The following SH3RF3 variants were observed in gnomAD, a reference collection of about 807,000 sequenced individuals.
SH3RF3 encodes the protein SH3 domain containing ring finger 3, also known as E3 ubiquitin-protein ligase SH3RF3.
SH3RF3 carries 29 observed loss-of-function variants against 66.3 expected under a neutral mutation model. That is an observed-to-expected ratio of 0.44 (90% CI 0.33 to 0.60). SH3RF3 has a LOEUF of 0.60. Ranked by LOEUF, SH3RF3 falls within the 20% of genes least tolerant of loss-of-function variation. SH3RF3 has a pLI of 0.04. For missense variants in SH3RF3, 1,194 were observed against 1,190.9 expected, an observed-to-expected ratio of 1.00 and a Z score of -0.04; for synonymous variants, 583 against 532.0, an observed-to-expected ratio of 1.10 and a Z score of -1.32.
chr2:109,274,034 A>C (rs1026298233), intron 1 of SH3RF3, among the ~76,000 whole-genome samples: 1 of 152,184 alleles, frequency 6.6e-6, no homozygotes, highest in Non-Finnish European at 1.5e-5. Context: ...TGCCAGTAAT[A>C]TTACCTCCTA....
intron 1 of SH3RF3, among the ~76,000 whole-genome samples, chr2:109,131,379 G>C (rs1397926919): frequency 6.6e-6 from 1 of 152,134 alleles, no homozygotes; most frequent in Non-Finnish European, 1.5e-5. Flanking sequence ...CTAAATGCTT[G>C]CGTTAGAAAT....
chr2:109,370,394 C>T (rs1377566421), intron 2 of SH3RF3, among the ~76,000 whole-genome samples: 1 of 152,050 alleles, frequency 6.6e-6, no homozygotes, highest in Non-Finnish European at 1.5e-5. Context: ...TGCCTGCCAC[C>T]ATGCCCGGCT....
At chr2:109,499,422 C>T (rs145575568) in intron 9 of SH3RF3, among the ~76,000 whole-genome samples, 166 of 152,336 alleles carry the variant, frequency 1.1e-3, no homozygotes, top group African/African-American at 3.4e-3. Context: ...TTTAGATGTG[C>T]GGTCCAACAC....
chr2:109,396,088 A>T (rs1268851935), intron 3 of SH3RF3, among the ~76,000 whole-genome samples: 1 of 152,090 alleles, frequency 6.6e-6, no homozygotes, highest in East Asian at 1.9e-4. Flanking sequence ...AGACGAATGG[A>T]GGACTGCGCT....
intron 1 of SH3RF3, among the ~76,000 whole-genome samples, chr2:109,304,055 C>T (rs564349164): frequency 9.0e-4 from 137 of 151,570 alleles, no homozygotes; most frequent in Middle Eastern, 3.4e-3. Flanking sequence ...GAGCTGAGAT[C>T]GCGCCATTGC....
intron 1 of SH3RF3, among the ~76,000 whole-genome samples, chr2:109,290,153 C>T (rs999669122): frequency 2.0e-5 from 3 of 152,198 alleles, no homozygotes; most frequent in African/African-American, 7.2e-5. Context: ...GTTGCATGGT[C>T]CTGGATGAGC....
At chr2:109,320,915 A>G (rs147750215) in intron 1 of SH3RF3, among the ~76,000 whole-genome samples, 22 of 152,354 alleles carry the variant, frequency 1.4e-4, no homozygotes, top group African/African-American at 5.3e-4. Context: ...CTGAACCACA[A>G]ACACTTCATC....
At chr2:109,490,253 G>C (rs1308857390) in intron 8 of SH3RF3, among the ~76,000 whole-genome samples, 1 of 152,192 alleles carries the variant, frequency 6.6e-6, no homozygotes, top group African/African-American at 2.4e-5. Context: ...GCAAAGAGCA[G>C]GCATGCTTAC....
intron 4 of SH3RF3, among the ~76,000 whole-genome samples, chr2:109,406,243 C>T (rs1676449675): frequency 6.6e-6 from 1 of 151,990 alleles, no homozygotes; most frequent in Non-Finnish European, 1.5e-5. Flanking sequence ...GGGAAAGAGG[C>T]CATTCAGGCC....
rs1192731556 is a variant in SH3RF3 at position 109,490,761 on chromosome 2, A to T, written c.2305A>T (p.Ile769Phe). 2.6e-6 allele frequency: 4 copies of T among 1,536,604 alleles called. No homozygotes were observed. Among genetic ancestry groups the T allele is most frequent in the Non-Finnish European group, 3.5e-6 (4 of 1,146,498 alleles). ...GGGCCCCGAAGTGTCCTCACTGTCC[A>T]TCCACGGCAGGGCAGGGTCCTGCCC... is the stretch of plus-strand genomic sequence containing the variant. The part of the protein sequence containing the change: ...AVGPEVSSLS[I>F]HGRAGSCPIE... Residue 769 changes from isoleucine (I) to phenylalanine (F), a missense_variant, in exon 9 of 10, where the codon ATC (isoleucine) becomes TTC (phenylalanine). By Grantham distance (21) the Ile-to-Phe change is conservative (BLOSUM62 0). Coordinates refer to ENST00000309415, the MANE Select transcript of SH3RF3 (RefSeq NM_001099289.3).
At chr2:109,194,033 G>T (rs35618765) in intron 1 of SH3RF3, among the ~76,000 whole-genome samples, 32 of 152,102 alleles carry the variant, frequency 2.1e-4, no homozygotes, top group Non-Finnish European at 3.2e-4. Context: ...AGAACAGTCT[G>T]TTCTGCCTGT....
chr2:109,217,431 TG>T (rs1241233479), intron 1 of SH3RF3, among the ~76,000 whole-genome samples: 2 of 152,244 alleles, frequency 1.3e-5, no homozygotes, highest in Non-Finnish European at 1.5e-5. Flanking sequence ...GCTCACCAGA[TG>T]GTTTGTCTCA....
intron 3 of SH3RF3, among the ~76,000 whole-genome samples, chr2:109,393,718 G>C (rs1676064017): frequency 6.6e-6 from 1 of 151,926 alleles, no homozygotes; most frequent in Admixed American, 6.6e-5. Flanking sequence ...TCAGTGCTGA[G>C]GTTGCTCTTC....
intron 5 of SH3RF3, among the ~76,000 whole-genome samples, chr2:109,422,924 G>A (rs1676921212): frequency 1.3e-5 from 2 of 152,130 alleles, no homozygotes; most frequent in Non-Finnish European, 2.9e-5. Flanking sequence ...AGGAGGTGGA[G>A]GAGGAGGACG....
chr2:109,208,482 G>A (rs1168888829), intron 1 of SH3RF3, among the ~76,000 whole-genome samples: 2 of 152,184 alleles, frequency 1.3e-5, no homozygotes, highest in Non-Finnish European at 2.9e-5. Context: ...GAAGGGCAAA[G>A]GCTCCCAGTA....
At chr2:109,248,301 T>C (rs1241857956) in intron 1 of SH3RF3, among the ~76,000 whole-genome samples, 1 of 152,214 alleles carries the variant, frequency 6.6e-6, no homozygotes, top group Non-Finnish European at 1.5e-5. Context: ...TGGCTATTGT[T>C]TTAAAAATCT....
intron 1 of SH3RF3, among the ~76,000 whole-genome samples, chr2:109,144,816 C>T (rs1263189404): frequency 1.3e-5 from 2 of 152,206 alleles, no homozygotes; most frequent in African/African-American, 2.4e-5. Context: ...AGCACTGACC[C>T]GGGGTTGAGA....
At chr2:109,199,627 T>TC (rs1574499886) in intron 1 of SH3RF3, among the ~76,000 whole-genome samples, 6 of 94 alleles carry the variant, frequency 0.064, 1 homozygote, top group Non-Finnish European at 0.14. Context: ...TGGAATGGAA[T>TC]GGAATGGAAT....
intron 1 of SH3RF3, among the ~76,000 whole-genome samples, chr2:109,318,058 C>T (rs563762296): frequency 4.6e-5 from 7 of 151,340 alleles, no homozygotes; most frequent in East Asian, 2.0e-4. Flanking sequence ...TCCTTTCTCT[C>T]CTCTGTTTTT....
Sources: allele counts gnomAD v4.1 joint callset (sites outside exome capture counted in the v4.1 genomes callset), GRCh38; gene constraint gnomAD v4.1.1; transcripts MANE v1.5; gene names NCBI Gene and HGNC (gene_info 2026-07-23, HGNC 2026-07-21).